The following ANKS1B variants were observed in gnomAD, a reference collection of about 807,000 sequenced individuals.
ANKS1B encodes the protein ankyrin repeat and sterile alpha motif domain containing 1B.
In ANKS1B, 36 loss-of-function variants were observed where a neutral mutation model predicts 148.3. The observed-to-expected ratio is 0.24, with a 90% CI of 0.19 to 0.32. The LOEUF is 0.32. ANKS1B is among the 10% of genes least tolerant of loss of function. ANKS1B has a pLI of 1.00. For missense variants in ANKS1B, 1,157 were observed against 1,542.6 expected (o/e 0.75, Z 4.19); for synonymous variants, 542 against 560.8 (o/e 0.97, Z 0.47).
intron 8 of ANKS1B, among the ~76,000 whole-genome samples, chr12:99,731,264 G>T (rs530341092): frequency 1.3e-5 from 2 of 152,084 alleles, no homozygotes; most frequent in Non-Finnish European, 2.9e-5. Context: ...GATTAGAAGC[G>T]CACGCCACCA....
chr12:99,779,561 C>G (rs1027726916), intron 6 of ANKS1B, among the ~76,000 whole-genome samples: 7 of 152,246 alleles, frequency 4.6e-5, no homozygotes, highest in Non-Finnish European at 8.8e-5. Context: ...ATCATCACTA[C>G]TTTATAGCCT....
intron 9 of ANKS1B, 76 bp downstream of exon 9, chr12:99,654,991 G>C: frequency 1.4e-6 from 2 of 1,437,280 alleles, no homozygotes; most frequent in Non-Finnish European, 1.9e-6. Flanking sequence ...GATTTTCGAA[G>C]GGGAGGGAGA....
At chr12:99,887,170 G>T (rs913797469) in intron 1 of ANKS1B, among the ~76,000 whole-genome samples, 2 of 152,122 alleles carry the variant, frequency 1.3e-5, no homozygotes, top group African/African-American at 4.8e-5. Context: ...ACTAATAAAC[G>T]ATGGGACAGG....
intron 14 of ANKS1B, among the ~76,000 whole-genome samples, chr12:99,216,236 T>C (rs1023119497): frequency 6.6e-6 from 1 of 152,220 alleles, no homozygotes; most frequent in African/African-American, 2.4e-5. Context: ...AACCTCTTTT[T>C]CTTTATAAAT....
chr12:99,648,575 T>TA (rs762930877), intron 9 of ANKS1B: 12 of 1,614,122 alleles, frequency 7.4e-6, no homozygotes, highest in African/African-American at 4.0e-5. Flanking sequence ...CACAACAGCG[T>TA]AAAAAAACAG....
At chr12:99,736,823 T>C (rs1026890279) in intron 8 of ANKS1B, among the ~76,000 whole-genome samples, 2 of 151,992 alleles carry the variant, frequency 1.3e-5, no homozygotes, top group Non-Finnish European at 2.9e-5. Context: ...ATCCAGCATA[T>C]AAGGAACTCA....
At chr12:99,326,318 T>C (rs947178306) in intron 12 of ANKS1B, among the ~76,000 whole-genome samples, 2 of 152,064 alleles carry the variant, frequency 1.3e-5, no homozygotes, top group Non-Finnish European at 2.9e-5. Context: ...CTGCTTATTA[T>C]GAGAGTGTTT....
At chr12:99,004,406 G>A (rs925974074) in intron 17 of ANKS1B, among the ~76,000 whole-genome samples, 7 of 152,202 alleles carry the variant, frequency 4.6e-5, no homozygotes, top group Admixed American at 1.3e-4. Context: ...GATAATATAC[G>A]TAAAGAGCAC....
chr12:99,824,569 G>A (rs1410816608), intron 2 of ANKS1B, among the ~76,000 whole-genome samples: 1 of 152,032 alleles, frequency 6.6e-6, no homozygotes, highest in Non-Finnish European at 1.5e-5. Flanking sequence ...TCACACAAAG[G>A]GAAAACAGAG....
rs12297100 is a variant in ANKS1B, at chr12:98,958,048, C to A, written c.2778+95109G>T. 6.9e-3 allele frequency among the ~76,000 whole-genome samples: 1,047 copies of A among 152,268 alleles called. 17 individuals are homozygous for A. Among genetic ancestry groups the A allele is most frequent in the African/African-American group, 0.024 (1,003 of 41,556 alleles). ...AACCTTCTATATTTGTCTGTTCTCA[C>A]CACCTAAGGGGTTCTTCAGAAAACC... is the stretch of plus-strand genomic sequence containing the variant. On this transcript the variant is annotated intron_variant, in intron 17 of 26. Transcript: ENST00000683438.
chr12:98,958,894 A>T (rs1321628706), intron 17 of ANKS1B, among the ~76,000 whole-genome samples: 1 of 152,218 alleles, frequency 6.6e-6, no homozygotes, highest in African/African-American at 2.4e-5. Flanking sequence ...CATAAATTAA[A>T]ATTGTATCAC....
chr12:99,484,771 T>TTG (rs1567192778), intron 10 of ANKS1B, among the ~76,000 whole-genome samples: 18 of 143,660 alleles, frequency 1.3e-4, no homozygotes, highest in Middle Eastern at 3.7e-3. Context: ...TGTGTTTTTT[T>TTG]TTTTTTTTTT....
intron 1 of ANKS1B, among the ~76,000 whole-genome samples, chr12:99,924,763 T>C (rs1253490559): frequency 6.6e-6 from 1 of 152,110 alleles, no homozygotes; most frequent in East Asian, 1.9e-4. Context: ...CACTTCCCAA[T>C]CTCCAGAAGT....
chr12:99,532,371 T>C (rs552307565), intron 9 of ANKS1B, among the ~76,000 whole-genome samples: 48 of 152,292 alleles, frequency 3.2e-4, no homozygotes, highest in African/African-American at 1.1e-3. Flanking sequence ...TGCTTGTTTG[T>C]TTGTTTTTGA....
intron 10 of ANKS1B, among the ~76,000 whole-genome samples, chr12:99,463,680 A>G (rs1277668606): frequency 6.6e-6 from 1 of 152,162 alleles, no homozygotes; most frequent in Non-Finnish European, 1.5e-5. Context: ...ACGGAGTCTC[A>G]CTGATTGCTA....
chr12:99,556,406 T>TG (rs2097276678), intron 9 of ANKS1B, among the ~76,000 whole-genome samples: 2 of 151,954 alleles, frequency 1.3e-5, no homozygotes, highest in South Asian at 4.1e-4. Context: ...GTGATTTTTT[T>TG]TGGGGGGGAG....
intron 17 of ANKS1B, among the ~76,000 whole-genome samples, chr12:98,955,874 A>G (rs982815726): frequency 6.6e-6 from 1 of 152,328 alleles, no homozygotes; most frequent in East Asian, 1.9e-4. Context: ...ATATTGGTGG[A>G]ATGAACGAAT....
At chr12:99,467,844 C>A (rs189470915) in intron 10 of ANKS1B, among the ~76,000 whole-genome samples, 1 of 152,106 alleles carries the variant, frequency 6.6e-6, no homozygotes. Flanking sequence ...GAATCAATAT[C>A]GTGAAAATGG....
At chr12:99,086,563 C>T (rs2051898459) in intron 15 of ANKS1B, among the ~76,000 whole-genome samples, 1 of 152,076 alleles carries the variant, frequency 6.6e-6, no homozygotes, top group Non-Finnish European at 1.5e-5. Context: ...TGGGGCTGGG[C>T]CTCAGTTTCC....
Sources: gnomAD v4.1 joint callset for allele counts (sites outside exome capture counted in the v4.1 genomes callset) on GRCh38, gnomAD v4.1.1 for gene constraint, MANE v1.5 for transcripts, NCBI Gene and HGNC (gene_info 2026-07-23, HGNC 2026-07-21) for gene names.